The following AGAP1 variants were observed in gnomAD, a reference collection of about 807,000 sequenced individuals.
The protein encoded by AGAP1 is arf-GAP with GTPase, ANK repeat and PH domain-containing protein 1.
AGAP1 carries 29 observed loss-of-function variants against 105.3 expected under a neutral mutation model. The ratio of observed to expected loss-of-function variants is 0.28; its 90% confidence interval spans 0.21 to 0.38. AGAP1 has a LOEUF of 0.38. Ranked by LOEUF, AGAP1 falls within the 10% of genes least tolerant of loss-of-function variation. AGAP1 has a pLI of 1.00. For missense variants in AGAP1, 998 were observed against 1,165.1 expected, an observed-to-expected ratio of 0.86 and a Z score of 2.09; for synonymous variants, 509 against 485.9, an observed-to-expected ratio of 1.05 and a Z score of -0.63.
intron 16 of AGAP1, among the ~76,000 whole-genome samples, chr2:236,074,826 A>G (rs116322746): frequency 0.023 from 3,549 of 152,274 alleles, 123 homozygotes; most frequent in African/African-American, 0.078. Flanking sequence ...AGGCTGAAGC[A>G]TGCGCATCAG....
rs549453572 is a variant in AGAP1, at chr2:235,931,741, G to T, written c.1483+818G>T. Among the ~76,000 whole-genome samples the T allele has an allele frequency of 2.0e-5, 3 of 152,144 alleles. No individual in the cohort carries two copies. Among genetic ancestry groups the T allele is most frequent in the Admixed American group, 1.3e-4 (2 of 15,306 alleles). On this transcript the variant is annotated intron_variant, in intron 12 of 17. Coordinates refer to ENST00000304032, the MANE Select transcript of AGAP1 (RefSeq NM_001037131.3). This position sits in a 1 kb window ranked among gnomAD's most constrained non-coding sequence, Gnocchi z 5.6. ...GACCCACCAGCTGCTGCAGCAGGACGTTTGCTTTGGGTAAACATCATCCTT... is the reference window on the plus strand; with the variant it reads ...GACCCACCAGCTGCTGCAGCAGGACTTTTGCTTTGGGTAAACATCATCCTT...
intron 1 of AGAP1, among the ~76,000 whole-genome samples, chr2:235,583,573 T>C (rs972972700): frequency 1.3e-5 from 2 of 149,782 alleles, no homozygotes; most frequent in African/African-American, 2.5e-5. Context: ...TTTTTTTTTT[T>C]TGGTAAAGAT....
chr2:235,926,896 C>T (rs915663095), intron 11 of AGAP1, among the ~76,000 whole-genome samples: 1 of 152,158 alleles, frequency 6.6e-6, no homozygotes, highest in African/African-American at 2.4e-5. Flanking sequence ...AACACAGGCC[C>T]ACAGCTCCCA....
intron 1 of AGAP1, among the ~76,000 whole-genome samples, chr2:235,546,216 C>A (rs1279870289): frequency 6.6e-6 from 1 of 152,198 alleles, no homozygotes. Flanking sequence ...TGTTGTTCAT[C>A]CGAGCCCAAG....
At chr2:236,033,028 C>T (rs2057272801) in intron 13 of AGAP1, among the ~76,000 whole-genome samples, 1 of 152,032 alleles carries the variant, frequency 6.6e-6, no homozygotes, top group African/African-American at 2.4e-5. Flanking sequence ...GGCGGATCAC[C>T]TGAGGTCAGG....
At chr2:235,587,046 A>G (rs1945135080) in intron 1 of AGAP1, among the ~76,000 whole-genome samples, 1 of 152,260 alleles carries the variant, frequency 6.6e-6, no homozygotes, top group Non-Finnish European at 1.5e-5. Flanking sequence ...AAATGCTCAC[A>G]AAATCCTTAT....
intron 1 of AGAP1, among the ~76,000 whole-genome samples, chr2:235,576,893 T>A (rs1944752033): frequency 6.6e-6 from 1 of 152,226 alleles, no homozygotes; most frequent in Non-Finnish European, 1.5e-5. Flanking sequence ...GGCCTCTCCA[T>A]TGCTCCCTGT....
At chr2:235,918,516 G>A (rs1331414624) in intron 11 of AGAP1, among the ~76,000 whole-genome samples, 6 of 152,296 alleles carry the variant, frequency 3.9e-5, no homozygotes, top group East Asian at 1.9e-4. Context: ...TGAGCAATGC[G>A]TTCTCACTAT....
At chr2:235,588,458 C>A (rs1354101507) in intron 1 of AGAP1, among the ~76,000 whole-genome samples, 2 of 152,034 alleles carry the variant, frequency 1.3e-5, no homozygotes, top group Admixed American at 6.6e-5. Context: ...CATTCAAGAC[C>A]CCTTAGAACC....
intron 1 of AGAP1, among the ~76,000 whole-genome samples, chr2:235,675,463 G>GCGAC (rs1948688157): frequency 6.6e-6 from 1 of 152,134 alleles, no homozygotes; most frequent in Non-Finnish European, 1.5e-5. Flanking sequence ...ACAAGCCTGA[G>GCGAC]CGACCGCGCC....
rs1223656981 is a variant in AGAP1 at position 235,905,254 on chromosome 2, T to C, written c.1156-3484T>C. Among the ~76,000 whole-genome samples, 1 of 152,234 alleles carries C rather than the reference T, an allele frequency of 6.6e-6. No individual in the cohort carries two copies. Among genetic ancestry groups the C allele is most frequent in the African/African-American group, 2.4e-5 (1 of 41,460 alleles). ...AGCAATAAATGCTCAATTACACTCC[T>C]GTTATTGTATTTTAATTTGTTAAGA... On this transcript the variant is annotated intron_variant, in intron 10 of 17. Transcript: ENST00000304032. The surrounding 1 kb of genome is among the most constrained non-coding windows in gnomAD (Gnocchi z 4.2).
intron 1 of AGAP1, among the ~76,000 whole-genome samples, chr2:235,537,543 C>G (rs1257030383): frequency 5.3e-5 from 8 of 152,292 alleles, no homozygotes; most frequent in Non-Finnish European, 2.9e-5. Context: ...GTGTTCATGT[C>G]TTGGCTGCCC....
Position 235,612,312 on chromosome 2 carries a change from C to T in AGAP1, c.164-96867C>T, listed in dbSNP as rs142371602. 7.2e-5 allele frequency among the ~76,000 whole-genome samples: 11 copies of T among 152,184 alleles called. No homozygotes were observed. Among genetic ancestry groups the T allele is most frequent in the East Asian group, 3.9e-4 (2 of 5,162 alleles). On this transcript the variant is annotated intron_variant, in intron 1 of 17. Coordinates refer to ENST00000304032, the MANE Select transcript of AGAP1 (RefSeq NM_001037131.3). This position sits in a 1 kb window ranked among gnomAD's most constrained non-coding sequence, Gnocchi z 4.3. The stretch of plus-strand genomic sequence containing the variant: ...TTGCACCCCTCCTGTGGCGTGGAGG[C>T]GGTGCCTGGTTAAAGTGGGGCTCAG...
At chr2:236,071,542 ATGTGTGCTG>A (rs1233319906) in intron 16 of AGAP1, among the ~76,000 whole-genome samples, 1 of 152,188 alleles carries the variant, frequency 6.6e-6, no homozygotes, top group Admixed American at 6.5e-5. Flanking sequence ...ACAGACCCTT[ATGTGTGCTG>A]TGTGTGCAGA....
In AGAP1 at chr2:236,005,915, C is replaced by T. The variant is rs2056306340; in HGVS notation, c.1646-30646C>T. 6.6e-6 allele frequency among the ~76,000 whole-genome samples: 1 copy of T among 152,182 alleles called. No homozygotes were observed. Among genetic ancestry groups the T allele is most frequent in the Non-Finnish European group, 1.5e-5 (1 of 68,044 alleles). ...GTTATTCTGCTGTAAAGTCATTGTGCCCCTCCACAGCCCATACTGAACTTT... is the reference window on the plus strand; with the variant it reads ...GTTATTCTGCTGTAAAGTCATTGTGTCCCTCCACAGCCCATACTGAACTTT... On this transcript the variant is annotated intron_variant, in intron 13 of 17. Coordinates refer to ENST00000304032, the MANE Select transcript of AGAP1 (RefSeq NM_001037131.3). This position sits in a 1 kb window ranked among gnomAD's most constrained non-coding sequence, Gnocchi z 4.1.
chr2:235,921,972 C>T (rs1012659260), intron 11 of AGAP1, among the ~76,000 whole-genome samples: 1 of 152,140 alleles, frequency 6.6e-6, no homozygotes, highest in Non-Finnish European at 1.5e-5. Context: ...GAATTCTGTT[C>T]TTTTTGGGTT....
At chr2:235,878,232 C>T (rs2106598794) in intron 9 of AGAP1, among the ~76,000 whole-genome samples, 1 of 152,346 alleles carries the variant, frequency 6.6e-6, no homozygotes, top group African/African-American at 2.4e-5. Context: ...CGTGCACGTG[C>T]AGCTGGCCTG....
At position 235,750,332 on chromosome 2, in the gene AGAP1, A is replaced by C. The variant is rs377320529; in HGVS notation, c.539-22A>C. On this transcript the variant is annotated intron_variant, in intron 5 of 17. Coordinates refer to ENST00000304032, the MANE Select transcript of AGAP1 (RefSeq NM_001037131.3). The surrounding 1 kb of genome is among the most constrained non-coding windows in gnomAD (Gnocchi z 5.3). ...GAGCTGTCATTGTCACTGTGCCGTT[A>C]CTTTTTGGTCTTCTGTTCCAGATGC... 2.5e-6 allele frequency: 4 copies of C among 1,613,696 alleles called. No individual in the cohort carries two copies. Among genetic ancestry groups the C allele is most frequent in the African/African-American group, 2.7e-5 (2 of 74,904 alleles).
chr2:235,735,196 T>A (rs185005947), intron 3 of AGAP1, among the ~76,000 whole-genome samples: 17 of 152,344 alleles, frequency 1.1e-4, no homozygotes, highest in African/African-American at 3.4e-4. Context: ...GCCATAGCTG[T>A]CGCTTGGAGG....
Sources: gnomAD v4.1 joint callset for allele counts (sites outside exome capture counted in the v4.1 genomes callset) on GRCh38, gnomAD v4.1.1 for gene constraint, Gnocchi (gnomAD v3.1) non-coding constraint, MANE v1.5 for transcripts, NCBI Gene and HGNC (gene_info 2026-07-23, HGNC 2026-07-21) for gene names.